Variants in GRID2 observed in about 807,000 individuals in gnomAD.
GRID2 encodes the protein glutamate receptor ionotropic, delta-2.
GRID2 carries 33 observed loss-of-function variants against 114.8 expected under a neutral mutation model. The observed-to-expected ratio is 0.29, with a 90% CI of 0.22 to 0.38. GRID2 has a LOEUF of 0.38. GRID2 is among the 10% of genes least tolerant of loss of function. The pLI is 1.00. For missense variants in GRID2, 1,184 were observed against 1,257.7 expected (o/e 0.94, Z 0.89); for synonymous variants, 505 against 449.9 (o/e 1.12, Z -1.55).
At chr4:92,666,722 A>T (rs1474623560) in intron 2 of GRID2, among the ~76,000 whole-genome samples, 6 of 135,970 alleles carry the variant, frequency 4.4e-5, no homozygotes, top group Non-Finnish European at 7.8e-5. Flanking sequence ...AAAACTTTCT[A>T]ATTTTCCCGT....
chr4:93,518,261 G>C (rs1730001532), intron 13 of GRID2, among the ~76,000 whole-genome samples: 1 of 151,560 alleles, frequency 6.6e-6, no homozygotes, highest in African/African-American at 2.4e-5. Flanking sequence ...GGTAGATACC[G>C]ATCTCATCTA....
At chr4:92,584,940 A>G (rs977115331) in intron 1 of GRID2, among the ~76,000 whole-genome samples, 4 of 152,072 alleles carry the variant, frequency 2.6e-5, no homozygotes, top group Admixed American at 6.6e-5. Flanking sequence ...TTCATAAACC[A>G]TCTCTAAAAT....
chr4:93,514,169 C>T (rs1016069659), intron 12 of GRID2, among the ~76,000 whole-genome samples: 1 of 152,060 alleles, frequency 6.6e-6, no homozygotes, highest in Non-Finnish European at 1.5e-5. Flanking sequence ...TGGGCACCTA[C>T]ACAAATTCAA....
chr4:92,578,101 CTTCTTCTTCTTCTTT>C (rs1240879242), intron 1 of GRID2, among the ~76,000 whole-genome samples: 2 of 62,906 alleles, frequency 3.2e-5, no homozygotes, highest in African/African-American at 1.4e-4. Context: ...TCTTCTTCTT[CTTCTTCTTCTTCTTT>C]TTCTTATTAT....
At chr4:93,134,003 G>A (rs1735027941) in intron 4 of GRID2, among the ~76,000 whole-genome samples, 1 of 152,124 alleles carries the variant, frequency 6.6e-6, no homozygotes, top group Non-Finnish European at 1.5e-5. Context: ...TGAATAAAAT[G>A]TAATTTTAAT....
chr4:92,809,351 A>G (rs2149377745), intron 2 of GRID2, among the ~76,000 whole-genome samples: 1 of 152,112 alleles, frequency 6.6e-6, no homozygotes, highest in South Asian at 2.1e-4. Flanking sequence ...GAACTATACT[A>G]AAAATTTACT....
chr4:93,791,902 A>G (rs1734702701), intron 1 of GRID2, among the ~76,000 whole-genome samples: 1 of 152,206 alleles, frequency 6.6e-6, no homozygotes, highest in Non-Finnish European at 1.5e-5. Flanking sequence ...TTTTAAATAG[A>G]CTTTATTCTT....
intron 14 of GRID2, among the ~76,000 whole-genome samples, chr4:93,657,542 A>G (rs985660131): frequency 1.3e-5 from 2 of 152,166 alleles, no homozygotes; most frequent in African/African-American, 2.4e-5. Context: ...ACATGCACAC[A>G]TGCACACACA....
rs567526316 is a variant in GRID2 at position 92,921,235 on chromosome 4, T to C, written c.245-163760T>C. Reference sequence around the variant, plus strand: ...AAGGACTTCTCTGCATTGGTTATTCTAGTTAGCCATTTGTTTAAGTTTTTT... The same window carrying C: ...AAGGACTTCTCTGCATTGGTTATTCCAGTTAGCCATTTGTTTAAGTTTTTT... On this transcript the variant is annotated intron_variant, in intron 2 of 15. Coordinates refer to ENST00000282020, the MANE Select transcript of GRID2 (RefSeq NM_001510.4). Among the ~76,000 whole-genome samples the C allele has an allele frequency of 2.6e-5, 4 of 152,290 alleles. No homozygotes were observed. The East Asian group carries it at 7.7e-4, about 29-fold the overall frequency.
At chr4:93,707,249 AT>A (rs1231292291) in intron 14 of GRID2, among the ~76,000 whole-genome samples, 1 of 151,956 alleles carries the variant, frequency 6.6e-6, no homozygotes, top group Non-Finnish European at 1.5e-5. Flanking sequence ...CTCCTACTCT[AT>A]TTTTTGGAGT....
intron 1 of GRID2, among the ~76,000 whole-genome samples, chr4:92,574,510 A>C (rs1727793825): frequency 6.6e-6 from 1 of 151,408 alleles, no homozygotes; most frequent in Non-Finnish European, 1.5e-5. Flanking sequence ...GGTGGTGACA[A>C]ATTCCCTACA....
intron 8 of GRID2, among the ~76,000 whole-genome samples, chr4:93,356,692 C>G (rs914054424): frequency 5.3e-5 from 8 of 151,794 alleles, no homozygotes; most frequent in African/African-American, 1.9e-4. Flanking sequence ...TTTATTAAAA[C>G]ATAACGTGTA....
rs1397762 is a variant in GRID2 at position 93,065,900 on chromosome 4, A to G, written c.245-19095A>G. Among the ~76,000 whole-genome samples the G allele has an allele frequency of 7.0e-3, 1,062 of 152,000 alleles. 8 individuals are homozygous for G. Among genetic ancestry groups the G allele is most frequent in the Middle Eastern group, 0.017 (5 of 294 alleles). ...TTGACTTGAAAATTCAAATCTAAAA[A>G]CAATGGCTAACATTTACTGAGTGTT... is the stretch of plus-strand genomic sequence containing the variant. On this transcript the variant is annotated intron_variant, in intron 2 of 15. Transcript: ENST00000282020.
chr4:92,528,664 A>T (rs1725158506), intron 1 of GRID2, among the ~76,000 whole-genome samples: 1 of 151,974 alleles, frequency 6.6e-6, no homozygotes, highest in Non-Finnish European at 1.5e-5. Flanking sequence ...CAGAGCATAC[A>T]TACATGCGGG....
At chr4:93,202,627 A>G (rs1742227562) in intron 4 of GRID2, among the ~76,000 whole-genome samples, 2 of 152,170 alleles carry the variant, frequency 1.3e-5, no homozygotes, top group Non-Finnish European at 2.9e-5. Context: ...GTGATAGAGC[A>G]TTATATAGCT....
intron 14 of GRID2, among the ~76,000 whole-genome samples, chr4:93,761,243 T>C (rs1313235248): frequency 1.3e-5 from 2 of 152,210 alleles, no homozygotes; most frequent in African/African-American, 4.8e-5. Context: ...GGAGTCACCA[T>C]CTCTGGTTCT....
chr4:93,781,111 A>C (rs1405060131), intron 1 of GRID2, among the ~76,000 whole-genome samples: 1 of 152,246 alleles, frequency 6.6e-6, no homozygotes, highest in Non-Finnish European at 1.5e-5. Context: ...CAAAGTCAGA[A>C]TATCTAGTTT....
chr4:93,084,684 A>G (rs1730174766), intron 2 of GRID2, among the ~76,000 whole-genome samples: 1 of 152,234 alleles, frequency 6.6e-6, no homozygotes, highest in African/African-American at 2.4e-5. Context: ...GGCAAATAAC[A>G]GACACTGTTT....
chr4:92,611,480 G>C (rs997672233), intron 2 of GRID2, among the ~76,000 whole-genome samples: 4 of 151,392 alleles, frequency 2.6e-5, no homozygotes, highest in African/African-American at 4.8e-5. Context: ...TACCTCCTTA[G>C]AGGCCCTGTA....
Sources: gnomAD v4.1 joint callset for allele counts (sites outside exome capture counted in the v4.1 genomes callset) on GRCh38, gnomAD v4.1.1 for gene constraint, MANE v1.5 for transcripts, NCBI Gene and HGNC (gene_info 2026-07-23, HGNC 2026-07-21) for gene names.